CCDC68: variants seen among roughly 807,000 people sequenced by gnomAD.
CCDC68 encodes coiled-coil domain-containing protein 68.
Under a neutral mutation model 47.1 loss-of-function variants are expected in CCDC68, and 45 were observed. That is an observed-to-expected ratio of 0.96 (90% CI 0.75 to 1.23). The LOEUF (loss-of-function observed/expected upper bound fraction) is 1.23, where lower values mean the gene tolerates loss of function less well. Among genes scored for constraint, CCDC68 ranks in the 50% most tolerant of loss-of-function variants. The pLI is 0.00. For missense variants in CCDC68, 353 were observed against 373.6 expected, an observed-to-expected ratio of 0.94 and a Z score of 0.45; for synonymous variants, 131 against 129.5, an observed-to-expected ratio of 1.01 and a Z score of -0.08.
At chr18:54,917,491 T>G (rs1337618523) in intron 10 of CCDC68, among the ~76,000 whole-genome samples, 1 of 152,206 alleles carries the variant, frequency 6.6e-6, no homozygotes, top group Non-Finnish European at 1.5e-5. Flanking sequence ...AATGAACTTT[T>G]AATAATAATT....
intron 1 of CCDC68, among the ~76,000 whole-genome samples, chr18:54,950,499 C>T (rs369889078): frequency 4.9e-4 from 75 of 152,268 alleles, no homozygotes; most frequent in African/African-American, 1.7e-3. Context: ...ATGCATGTTA[C>T]GCTGTACCCA....
intron 1 of CCDC68, among the ~76,000 whole-genome samples, chr18:54,952,003 C>A (rs1205104672): frequency 6.6e-6 from 1 of 152,218 alleles, no homozygotes; most frequent in African/African-American, 2.4e-5. Flanking sequence ...CTTAATGGAG[C>A]ATCTGACTTC....
At chr18:54,913,470 T>G (rs766786212) in intron 10 of CCDC68, among the ~76,000 whole-genome samples, 7 of 152,192 alleles carry the variant, frequency 4.6e-5, no homozygotes, top group Non-Finnish European at 8.8e-5. Flanking sequence ...GCTTAAAAGC[T>G]TTATAATAAG....
chr18:54,929,083 T>C (rs1268854226), intron 7 of CCDC68, among the ~76,000 whole-genome samples: 1 of 152,198 alleles, frequency 6.6e-6, no homozygotes, highest in Non-Finnish European at 1.5e-5. Flanking sequence ...AATAGTTGTC[T>C]TCACTCTCTC....
chr18:54,919,234 T>C (rs1335126205), intron 9 of CCDC68, 37 bp downstream of exon 9: 4 of 1,506,900 alleles, frequency 2.7e-6, no homozygotes, highest in East Asian at 2.3e-5. Flanking sequence ...GCTGTAAACA[T>C]ACTGTCTACC....
chr18:54,935,257 C>T (rs931559903), intron 6 of CCDC68, among the ~76,000 whole-genome samples: 1 of 152,050 alleles, frequency 6.6e-6, no homozygotes, highest in African/African-American at 2.4e-5. Context: ...TTGACTTTTT[C>T]TCAACAATTA....
In CCDC68 at chr18:54,934,840, GGTTCTCCAATTCT is replaced by G. The variant is rs1391448600; in HGVS notation, c.567_579del (p.Glu190LeufsTer13). ...CGTACCTTTTCCATTCTCTGTACAA[GGTTCTCCAATTCT>G]GTAATTTGACTGTGTTTTTCTTCAA... On this transcript the variant is annotated frameshift_variant, in exon 7 of 12. Coordinates refer to ENST00000591504, the MANE Select transcript of CCDC68 (RefSeq NM_025214.3). LOFTEE classifies it high-confidence loss of function. The G allele has an allele frequency of 1.3e-6, 2 of 1,589,158 alleles. No individual in the cohort carries two copies. The highest frequency in any genetic ancestry group is 4.7e-5 in the East Asian group (2 of 42,850).
At chr18:54,936,722 G>C (rs993952061) in intron 6 of CCDC68, 111 bp downstream of exon 6, 13 of 1,339,106 alleles carry the variant, frequency 9.7e-6, no homozygotes, top group Non-Finnish European at 1.4e-5. Context: ...CAAGTCTTTT[G>C]CCAAGTCACT....
chr18:54,946,944 G>A (rs942677000), intron 1 of CCDC68, among the ~76,000 whole-genome samples: 21 of 152,072 alleles, frequency 1.4e-4, no homozygotes, highest in Non-Finnish European at 2.9e-4. Context: ...AGCAGGGCAG[G>A]TAGTTCACAT....
At chr18:54,959,047 A>C (rs1045922293) in intron 1 of CCDC68, 19 of 152,208 alleles carry the variant, frequency 1.2e-4, no homozygotes, top group African/African-American at 4.6e-4. Flanking sequence ...GTATAACAAC[A>C]ACCTAAATAA....
intron 1 of CCDC68, among the ~76,000 whole-genome samples, chr18:54,951,543 A>G (rs1475945199): frequency 1.3e-5 from 2 of 152,200 alleles, no homozygotes; most frequent in African/African-American, 4.8e-5. Flanking sequence ...ATCCCAAACC[A>G]TGAGTTGTCT....
chr18:54,930,781 C>G (rs538573730), intron 7 of CCDC68, among the ~76,000 whole-genome samples: 3 of 149,252 alleles, frequency 2.0e-5, no homozygotes, highest in East Asian at 2.0e-4. Context: ...TGCAATGGTG[C>G]GATCCTGGCT....
intron 8 of CCDC68, among the ~76,000 whole-genome samples, chr18:54,927,394 G>C (rs111734385): frequency 0.01 from 1,554 of 152,038 alleles, 36 homozygotes; most frequent in African/African-American, 0.035. Context: ...TTTAAAACAG[G>C]TATATTGTTG....
At chr18:54,930,629 CCCTCCCT>C (rs1568147366) in intron 7 of CCDC68, among the ~76,000 whole-genome samples, 7 of 10,270 alleles carry the variant, frequency 6.8e-4, no homozygotes, top group African/African-American at 1.8e-3. Flanking sequence ...CCCTTCCCCT[CCCTCCCT>C]CCCTCCCTCC....
intron 11 of CCDC68, among the ~76,000 whole-genome samples, chr18:54,905,300 A>G (rs890190653): frequency 7.0e-6 from 1 of 142,258 alleles, no homozygotes; most frequent in South Asian, 2.4e-4. Flanking sequence ...GAGGGGAGGG[A>G]CTAGTTGGGA....
intron 5 of CCDC68, chr18:54,937,161 CA>C (rs2044364138): frequency 5.5e-6 from 3 of 548,076 alleles, no homozygotes; most frequent in Admixed American, 6.4e-5. Flanking sequence ...GGCTGTTGAA[CA>C]GGCAGATTTG....
chr18:54,908,192 G>T (rs1914127987), intron 10 of CCDC68, among the ~76,000 whole-genome samples: 1 of 152,156 alleles, frequency 6.6e-6, no homozygotes, highest in Non-Finnish European at 1.5e-5. Context: ...AAGGAACCTT[G>T]TTAAAGATAC....
At chr18:54,905,540 A>G (rs1913953200) in intron 11 of CCDC68, among the ~76,000 whole-genome samples, 1 of 151,758 alleles carries the variant, frequency 6.6e-6, no homozygotes, top group Admixed American at 6.6e-5. Flanking sequence ...TGTGTACATA[A>G]TTTTCTAATT....
Position 54,928,871 on chromosome 18 carries a change from T to G in CCDC68, c.612A>C (p.Thr204=). Residue 204 remains threonine, a synonymous_variant, in exon 8 of 12, where the codon ACA becomes ACC. Transcript: ENST00000591504. The part of the protein sequence containing the change: ...LVQRMEKEKR[T]LLERKLSLEN... Reference sequence around the variant, plus strand: ...CCAAAGACAGTTTTCTTTCTAGTAGTGTTCTCTTTTCCTAGGAGAAAATAA... The same window carrying G: ...CCAAAGACAGTTTTCTTTCTAGTAGGGTTCTCTTTTCCTAGGAGAAAATAA... The G allele has an allele frequency of 6.2e-7, 1 of 1,603,504 alleles. No individual in the cohort carries two copies. The highest frequency in any genetic ancestry group is 8.5e-7 in the Non-Finnish European group (1 of 1,170,436).
Sources: gnomAD v4.1 joint callset for allele counts (sites outside exome capture counted in the v4.1 genomes callset) on GRCh38, gnomAD v4.1.1 for gene constraint, MANE v1.5 for transcripts, NCBI Gene and HGNC (gene_info 2026-07-23, HGNC 2026-07-21) for gene names.